Variants in ATF7IP2 observed in about 807,000 individuals in gnomAD.
ATF7IP2 encodes activating transcription factor 7-interacting protein 2.
In ATF7IP2, 42 loss-of-function variants were observed where a neutral mutation model predicts 64.2. The observed-to-expected ratio is 0.65, with a 90% CI of 0.51 to 0.85. The LOEUF (loss-of-function observed/expected upper bound fraction) is 0.85, where lower values mean the gene tolerates loss of function less well. Among genes scored for constraint, ATF7IP2 ranks in the 40% least tolerant of loss-of-function variants. The pLI, the probability that ATF7IP2 is intolerant of heterozygous loss-of-function variation, is 0.00. For missense variants in ATF7IP2, 933 were observed against 784.2 expected (o/e 1.19, Z -2.27); for synonymous variants, 308 against 272.8 (o/e 1.13, Z -1.27).
intron 9 of ATF7IP2, among the ~76,000 whole-genome samples, chr16:10,461,459 C>T (rs1468307036): frequency 2.0e-5 from 3 of 152,004 alleles, no homozygotes; most frequent in African/African-American, 7.2e-5. Flanking sequence ...AAGTGTCCAT[C>T]TACAGTTGAA....
intron 1 of ATF7IP2, among the ~76,000 whole-genome samples, chr16:10,402,568 A>G (rs761301058): frequency 1.8e-4 from 28 of 152,152 alleles, no homozygotes; most frequent in Non-Finnish European, 3.7e-4. Flanking sequence ...GGCTCAAGCG[A>G]TTCTTCCACC....
intron 12 of ATF7IP2, among the ~76,000 whole-genome samples, chr16:10,478,140 T>C (rs1406452856): frequency 4.0e-4 from 60 of 150,052 alleles, no homozygotes; most frequent in Non-Finnish European, 5.6e-4. Flanking sequence ...CTTCACAGAA[T>C]TGGAAAAAAC....
rs1019626890 is a variant in ATF7IP2, at chr16:10,428,971, T to G, written c.-56T>G. The G allele has an allele frequency of 5.3e-5, 8 of 152,090 alleles. No individual in the cohort carries two copies. Among genetic ancestry groups the G allele is most frequent in the African/African-American group, 1.9e-4 (8 of 41,416 alleles). The allele number at this position is 152,090 out of a possible 1,614,324, so 9.4% of individuals were successfully genotyped here. ...TCACGGCAGTGTCTAATTCCTGGGCTCAAGTGAACCTTTTGCATCAGCCTC... is the reference window on the plus strand; with the variant it reads ...TCACGGCAGTGTCTAATTCCTGGGCGCAAGTGAACCTTTTGCATCAGCCTC... On this transcript the variant is annotated 5_prime_UTR_variant, in exon 4 of 14. Coordinates refer to ENST00000562102, the MANE Select transcript of ATF7IP2 (RefSeq NM_001393719.1).
intron 1 of ATF7IP2, among the ~76,000 whole-genome samples, chr16:10,411,620 T>A (rs940423834): frequency 1.3e-5 from 2 of 152,074 alleles, no homozygotes; most frequent in Admixed American, 6.6e-5. Flanking sequence ...CCACCCACCT[T>A]GGTCTCTCAA....
At chr16:10,474,072 T>C (rs1377031998) in intron 12 of ATF7IP2, 83 bp downstream of exon 12, 1 of 922,632 alleles carries the variant, frequency 1.1e-6, no homozygotes, top group Non-Finnish European at 1.7e-6. Context: ...CTTATGAAGT[T>C]TGTTTTAATA....
At chr16:10,461,268 C>G (rs2049366279) in intron 9 of ATF7IP2, among the ~76,000 whole-genome samples, 1 of 152,018 alleles carries the variant, frequency 6.6e-6, no homozygotes, top group Non-Finnish European at 1.5e-5. Context: ...GTATAGTACT[C>G]TAAAGAAAAT....
intron 10 of ATF7IP2, among the ~76,000 whole-genome samples, 177 bp from the exon 11 acceptor site, chr16:10,473,302 C>A (rs1202406779): frequency 6.6e-6 from 1 of 152,134 alleles, no homozygotes; most frequent in African/African-American, 2.4e-5. Context: ...CCCAAAATTA[C>A]ATTTTTTTAA....
rs551003401 is a variant in ATF7IP2 at position 10,425,396 on chromosome 16, C to T, written c.-159-3472C>T. 6.6e-5 allele frequency among the ~76,000 whole-genome samples: 10 copies of T among 151,514 alleles called. No homozygotes were observed. In the South Asian group the frequency reaches 2.1e-3, roughly 32 times the overall value. On this transcript the variant is annotated intron_variant, in intron 3 of 13. Coordinates refer to ENST00000562102, the MANE Select transcript of ATF7IP2 (RefSeq NM_001393719.1). ...TGGAAATCTTTAAAGGTATTCAATT[C>T]CATGCAATTGTGAAGCAGATTCAGA...
chr16:10,387,259 G>A (rs575199422), intron 1 of ATF7IP2: 2 of 152,328 alleles, frequency 1.3e-5, no homozygotes, highest in African/African-American at 2.4e-5. Flanking sequence ...TCTGAATGAA[G>A]GACTAATAAC....
intron 5 of ATF7IP2, among the ~76,000 whole-genome samples, chr16:10,433,254 C>T (rs957862231): frequency 4.9e-4 from 75 of 152,284 alleles, no homozygotes; most frequent in African/African-American, 1.8e-3. Flanking sequence ...GTGCTCACTG[C>T]CACCTCAACC....
intron 8 of ATF7IP2, among the ~76,000 whole-genome samples, chr16:10,443,875 G>C (rs1413898343): frequency 6.6e-6 from 1 of 152,182 alleles, no homozygotes; most frequent in Non-Finnish European, 1.5e-5. Flanking sequence ...CAATTAGAGG[G>C]GGTGGTTCAT....
rs377703069 is a variant in ATF7IP2 at position 10,406,208 on chromosome 16, G to A, written c.-241-8366G>A. Among the ~76,000 whole-genome samples, 101 of 152,304 alleles carry A rather than the reference G, an allele frequency of 6.6e-4. 1 individual carries two copies. In the South Asian group the frequency reaches 0.019, roughly 29 times the overall value. On this transcript the variant is annotated intron_variant, in intron 1 of 13. Coordinates refer to ENST00000562102, the MANE Select transcript of ATF7IP2 (RefSeq NM_001393719.1). ...ACAGCCTCGACCTCCACAGGATCAA[G>A]CAATCCTGCCATCTCAGCCTCTCGA...
chr16:10,452,651 TCTG>T (rs1463965836), intron 8 of ATF7IP2, among the ~76,000 whole-genome samples: 1 of 152,194 alleles, frequency 6.6e-6, no homozygotes, highest in Non-Finnish European at 1.5e-5. Context: ...GATCCACTGA[TCTG>T]CTGCTCTCTT....
intron 8 of ATF7IP2, 89 bp from the exon 9 acceptor site, chr16:10,457,282 TG>T (rs1234606513): frequency 6.5e-5 from 75 of 1,151,148 alleles, no homozygotes; most frequent in Non-Finnish European, 5.0e-6. Context: ...GCCATATGTA[TG>T]CAAGAATACT....
chr16:10,433,112 C>G (rs2048311464), intron 5 of ATF7IP2, among the ~76,000 whole-genome samples: 2 of 152,034 alleles, frequency 1.3e-5, no homozygotes, highest in South Asian at 4.1e-4. Context: ...CTAAAAAATG[C>G]TGCAGTGTCA....
At chr16:10,472,261 GA>G (rs2049829713) in intron 10 of ATF7IP2, 78 bp downstream of exon 10, 1 of 667,998 alleles carries the variant, frequency 1.5e-6, no homozygotes, top group Non-Finnish European at 2.5e-6. Context: ...GTGAAAAATT[GA>G]ATAATATCTT....
chr16:10,456,383 G>A (rs1302851476), intron 8 of ATF7IP2, among the ~76,000 whole-genome samples: 1 of 152,130 alleles, frequency 6.6e-6, no homozygotes, highest in African/African-American at 2.4e-5. Flanking sequence ...GCCTTGGAAG[G>A]ATCAAATGTC....
At position 10,482,939 on chromosome 16, in the gene ATF7IP2, C is replaced by T. The variant is rs1427293636; in HGVS notation, c.*690C>T. 6.6e-6 allele frequency: 1 copy of T among 152,248 alleles called. No individual in the cohort carries two copies. Among genetic ancestry groups the T allele is most frequent in the Non-Finnish European group, 1.5e-5 (1 of 68,076 alleles). The allele number at this position is 152,248 out of a possible 1,614,324, so 9.4% of individuals were successfully genotyped here. The stretch of plus-strand genomic sequence containing the variant: ...TTGTTGGTCAGGCTGGTCTCAAACT[C>T]CTGACCTCAGGGGATCCACCCGCCT... On this transcript the variant is annotated 3_prime_UTR_variant, in exon 14 of 14. Coordinates refer to ENST00000562102, the MANE Select transcript of ATF7IP2 (RefSeq NM_001393719.1).
In ATF7IP2 at chr16:10,413,880, A is replaced by G. The variant is rs534530414; in HGVS notation, c.-241-694A>G. On this transcript the variant is annotated intron_variant, in intron 1 of 13. Coordinates refer to ENST00000562102, the MANE Select transcript of ATF7IP2 (RefSeq NM_001393719.1). ...AGGGCCCCAAATCCTTCAAGCTAGG[A>G]GGGTTTGCCGAGAAATCTGCTGTTT... Among the ~76,000 whole-genome samples, 25 of 152,280 alleles carry G rather than the reference A, an allele frequency of 1.6e-4. 1 individual carries two copies. The South Asian group carries it at 5.2e-3, about 32-fold the overall frequency.
Sources: allele counts gnomAD v4.1 joint callset (sites outside exome capture counted in the v4.1 genomes callset), GRCh38; gene constraint gnomAD v4.1.1; transcripts MANE v1.5; gene names NCBI Gene and HGNC (gene_info 2026-07-23, HGNC 2026-07-21).